Variants in NCALD observed in about 807,000 individuals in gnomAD.
NCALD encodes the protein neurocalcin delta.
NCALD carries 10 observed loss-of-function variants against 18.6 expected under a neutral mutation model. The observed-to-expected ratio is 0.54, with a 90% CI of 0.33 to 0.91. NCALD has a LOEUF of 0.91. Among genes scored for constraint, NCALD ranks in the 40% least tolerant of loss-of-function variants. The pLI is 0.03. For synonymous variants in NCALD, 88 were observed against 87.4 expected, an observed-to-expected ratio of 1.01 and a Z score of -0.04; for missense variants, 184 against 247.6, an observed-to-expected ratio of 0.74 and a Z score of 1.72.
intron 1 of NCALD, among the ~76,000 whole-genome samples, chr8:101,757,387 A>C (rs1257414627): frequency 6.6e-6 from 1 of 152,188 alleles, no homozygotes; most frequent in East Asian, 1.9e-4. Context: ...CATTGTCCTT[A>C]TCTCTCCGGA....
chr8:102,014,242 G>A (rs140838631), intron 2 of NCALD, among the ~76,000 whole-genome samples: 6 of 152,238 alleles, frequency 3.9e-5, no homozygotes, highest in East Asian at 1.9e-4. Context: ...CAGCAGATTC[G>A]GAATCTGGTG....
chr8:101,863,069 T>C (rs900376932), intron 4 of NCALD, among the ~76,000 whole-genome samples: 3 of 152,172 alleles, frequency 2.0e-5, no homozygotes, highest in Non-Finnish European at 4.4e-5. Flanking sequence ...GGTTCTGAAA[T>C]GAAATCCAAG....
chr8:101,739,865 AAT>A (rs1433613916), intron 1 of NCALD, among the ~76,000 whole-genome samples: 1 of 152,074 alleles, frequency 6.6e-6, no homozygotes, highest in Non-Finnish European at 1.5e-5. Flanking sequence ...CGATTCTCCT[AAT>A]AAACTCCCCT....
intron 1 of NCALD, among the ~76,000 whole-genome samples, chr8:102,102,285 A>T (rs893162615): frequency 6.6e-5 from 10 of 152,198 alleles, no homozygotes; most frequent in Non-Finnish European, 1.5e-4. Context: ...CCAACAACAC[A>T]GCTCACATTT....
chr8:101,948,085 A>G (rs1453531588), intron 2 of NCALD, among the ~76,000 whole-genome samples: 4 of 152,262 alleles, frequency 2.6e-5, no homozygotes. Context: ...AGTTCTAAGC[A>G]GGAAAATATG....
intron 4 of NCALD, among the ~76,000 whole-genome samples, chr8:101,861,916 C>G (rs1195348466): frequency 6.6e-6 from 1 of 152,150 alleles, no homozygotes; most frequent in Non-Finnish European, 1.5e-5. Context: ...TTTCACTGTA[C>G]AGTGCTGCAG....
At chr8:102,076,513 T>C (rs1429353552) in intron 1 of NCALD, among the ~76,000 whole-genome samples, 3 of 148,670 alleles carry the variant, frequency 2.0e-5, no homozygotes, top group Non-Finnish European at 4.4e-5. Context: ...GCCATTAAAC[T>C]CAATCATGGG....
intron 1 of NCALD, among the ~76,000 whole-genome samples, chr8:101,744,924 T>C (rs1279506501): frequency 1.3e-5 from 2 of 150,316 alleles, no homozygotes; most frequent in Admixed American, 6.7e-5. Flanking sequence ...ATAACCAAAA[T>C]AAAATTTAAT....
chr8:101,889,677 A>C (rs1197031406), intron 3 of NCALD, among the ~76,000 whole-genome samples: 1 of 152,220 alleles, frequency 6.6e-6, no homozygotes, highest in Non-Finnish European at 1.5e-5. Flanking sequence ...AAGGAAAGCT[A>C]GTTCATTTTA....
intron 2 of NCALD, among the ~76,000 whole-genome samples, chr8:101,703,577 C>T (rs572673085): frequency 7.9e-5 from 12 of 152,234 alleles, no homozygotes; most frequent in African/African-American, 2.4e-4. Context: ...AATTGGGCAA[C>T]GAAGGACAGT....
intron 2 of NCALD, among the ~76,000 whole-genome samples, chr8:101,715,352 A>G (rs977178886): frequency 2.0e-5 from 3 of 152,324 alleles, no homozygotes; most frequent in African/African-American, 4.8e-5. Flanking sequence ...AGATTTAAAC[A>G]TAAAACCTAA....
chr8:101,818,006 G>A (rs976482892), intron 4 of NCALD, among the ~76,000 whole-genome samples: 4 of 152,128 alleles, frequency 2.6e-5, no homozygotes, highest in African/African-American at 9.7e-5. Flanking sequence ...GAGCACTTGT[G>A]GTCGGGCTAT....
intron 2 of NCALD, among the ~76,000 whole-genome samples, chr8:101,716,009 G>A (rs985111771): frequency 5.9e-5 from 9 of 152,114 alleles, no homozygotes; most frequent in Admixed American, 2.6e-4. Context: ...CTGTAAAGAC[G>A]CATGCACATA....
chr8:102,090,301 T>C (rs369428813), intron 1 of NCALD, among the ~76,000 whole-genome samples: 12 of 152,350 alleles, frequency 7.9e-5, no homozygotes, highest in African/African-American at 2.6e-4. Flanking sequence ...TCCTTATTAA[T>C]TGTGGCTTTA....
In NCALD at chr8:101,960,455, G is replaced by A. The variant is rs114877291; in HGVS notation, c.-156-44597C>T. ...ATCAAAAAATTTCATTTAACATGAT[G>A]GCATTACTGTTTTACAAGTAGGAAT... On this transcript the variant is annotated intron_variant, in intron 2 of 6. Coordinates refer to the NCALD transcript ENST00000311028. Among the ~76,000 whole-genome samples the A allele has an allele frequency of 8.3e-3, 1,265 of 152,226 alleles. 14 individuals are homozygous for A. Among genetic ancestry groups the A allele is most frequent in the Middle Eastern group, 0.024 (7 of 294 alleles).
chr8:101,708,705 T>A (rs535644723), intron 2 of NCALD, among the ~76,000 whole-genome samples: 3 of 152,306 alleles, frequency 2.0e-5, no homozygotes, highest in African/African-American at 7.2e-5. Flanking sequence ...TACAAGGGCA[T>A]GTAGGTACTA....
intron 2 of NCALD, among the ~76,000 whole-genome samples, chr8:101,949,112 T>C (rs1429464434): frequency 6.6e-6 from 1 of 152,232 alleles, no homozygotes; most frequent in Non-Finnish European, 1.5e-5. Flanking sequence ...CTACCCACCT[T>C]GTATAAGCTA....
At chr8:101,796,692 A>C (rs1478754150) in intron 4 of NCALD, among the ~76,000 whole-genome samples, 1 of 152,222 alleles carries the variant, frequency 6.6e-6, no homozygotes, top group Non-Finnish European at 1.5e-5. Context: ...ATATGATGAA[A>C]GGCTAATGTG....
At chr8:101,851,958 T>A (rs1301838634) in intron 4 of NCALD, among the ~76,000 whole-genome samples, 1 of 152,150 alleles carries the variant, frequency 6.6e-6, no homozygotes, top group African/African-American at 2.4e-5. Flanking sequence ...CTTATAAAAC[T>A]GGATGAAGGG....
Sources: gnomAD v4.1 joint callset for allele counts (sites outside exome capture counted in the v4.1 genomes callset) on GRCh38, gnomAD v4.1.1 for gene constraint, MANE v1.5 for transcripts, NCBI Gene and HGNC (gene_info 2026-07-23, HGNC 2026-07-21) for gene names.